DGKB: variants seen among roughly 807,000 people sequenced by gnomAD.
The protein encoded by DGKB is diacylglycerol kinase beta.
A neutral mutation model predicts 114.3 loss-of-function variants in DGKB; 67 were observed. That is an observed-to-expected ratio of 0.59 (90% confidence interval 0.48 to 0.72). The LOEUF (loss-of-function observed/expected upper bound fraction) is 0.72. DGKB is among the 30% of genes least tolerant of loss of function. The pLI, the probability that DGKB is intolerant of heterozygous loss-of-function variation, is 0.00. For missense variants in DGKB, 907 were observed against 975.2 expected (o/e 0.93, Z 0.93); for synonymous variants, 398 against 323.1 (o/e 1.23, Z -2.49).
At chr7:14,965,938 T>G (rs1331953950) in intron 1 of DGKB, among the ~76,000 whole-genome samples, 1 of 152,080 alleles carries the variant, frequency 6.6e-6, no homozygotes, top group African/African-American at 2.4e-5. Flanking sequence ...TCTATACTTC[T>G]GTCAAAAAAA....
At chr7:14,668,698 T>A (rs1344929496) in intron 13 of DGKB, among the ~76,000 whole-genome samples, 1 of 152,188 alleles carries the variant, frequency 6.6e-6, no homozygotes, top group African/African-American at 2.4e-5. Flanking sequence ...TTGACTTCAC[T>A]GTAATTTACA....
intron 21 of DGKB, among the ~76,000 whole-genome samples, chr7:14,412,932 G>C (rs1322438806): frequency 1.3e-5 from 2 of 151,238 alleles, no homozygotes; most frequent in Non-Finnish European, 1.5e-5. Context: ...AGTGAACTGA[G>C]ATCATGCCAT....
chr7:14,308,084 T>C (rs1431008291), intron 23 of DGKB, among the ~76,000 whole-genome samples: 3 of 152,258 alleles, frequency 2.0e-5, no homozygotes, highest in East Asian at 1.9e-4. Context: ...TATCCTGTTT[T>C]AGAGATAATT....
In DGKB at chr7:14,176,870, T is replaced by C; in HGVS notation, c.2273A>G (p.Asp758Gly). The change falls in exon 25 of 26, where the codon GAT becomes GGT. Residue 758 changes from aspartate to glycine, a missense_variant. Physicochemically the swap from Asp to Gly is moderately conservative, Grantham distance 94. Around this residue, in one of 3 missense-constraint regions of DGKB, gnomAD observed 35 missense variants for 66.0 expected, o/e 0.53. Coordinates refer to ENST00000402815, the MANE Select transcript of DGKB (RefSeq NM_001350709.2). ...RTSKSLPMQI[D>G]GEPWMQTPCT... is the part of the protein sequence containing the mutation. ...TGGGGTCTGCATCCATGGCTCCCCA[T>C]CAATTTGCATTGGCAGAGACTTGCT... 1 of 1,613,826 alleles carries C rather than the reference T, an allele frequency of 6.2e-7. No homozygotes were observed. Among genetic ancestry groups the C allele is most frequent in the Non-Finnish European group, 8.5e-7 (1 of 1,179,724 alleles).
intron 21 of DGKB, among the ~76,000 whole-genome samples, chr7:14,436,496 G>A (rs1269387833): frequency 6.6e-6 from 1 of 151,914 alleles, no homozygotes; most frequent in African/African-American, 2.4e-5. Context: ...CTGACCCCCT[G>A]GACATTTATT....
chr7:14,369,833 T>G (rs547145711), intron 21 of DGKB, among the ~76,000 whole-genome samples: 1 of 152,254 alleles, frequency 6.6e-6, no homozygotes, highest in African/African-American at 2.4e-5. Context: ...ATTTGTCAGA[T>G]GGATAGACTG....
intron 5 of DGKB, among the ~76,000 whole-genome samples, chr7:14,724,283 T>C (rs1343974450): frequency 1.3e-5 from 2 of 152,198 alleles, no homozygotes; most frequent in Non-Finnish European, 2.9e-5. Flanking sequence ...GATATTAGTA[T>C]TGTCATATAT....
intron 23 of DGKB, among the ~76,000 whole-genome samples, chr7:14,331,875 T>G (rs545385539): frequency 1.3e-5 from 2 of 152,228 alleles, no homozygotes; most frequent in East Asian, 3.9e-4. Flanking sequence ...GTCACTTGAG[T>G]AGAGATACTC....
chr7:14,682,135 A>T (rs1410692182), intron 12 of DGKB, among the ~76,000 whole-genome samples: 2 of 152,080 alleles, frequency 1.3e-5, no homozygotes, highest in African/African-American at 2.4e-5. Context: ...AAGCCCATAG[A>T]TTTTATGACT....
chr7:14,496,548 C>G (rs1229232224), intron 20 of DGKB, among the ~76,000 whole-genome samples: 1 of 151,520 alleles, frequency 6.6e-6, no homozygotes, highest in Non-Finnish European at 1.5e-5. Flanking sequence ...TTATTGAGCA[C>G]CTATTGTATG....
intron 5 of DGKB, 21 bp downstream of exon 5, chr7:14,736,020 G>A (rs1402384993): frequency 6.7e-7 from 1 of 1,491,058 alleles, no homozygotes; most frequent in Admixed American, 2.1e-5. Context: ...CTATATAAAT[G>A]TTTAAAGTAA....
rs532914304 is a variant in DGKB at position 14,872,092 on chromosome 7, T to C, written c.-188+30500A>G. ...GATTCACTAGATCTAAAAATAAATA[T>C]GAATTTTTCAAAGATGAAGGATCAA... On this transcript the variant is annotated intron_variant, in intron 1 of 25. Transcript: ENST00000402815. Among the ~76,000 whole-genome samples the C allele has an allele frequency of 3.3e-5, 5 of 152,254 alleles. 1 individual carries two copies. In the East Asian group the frequency reaches 7.7e-4, roughly 24 times the overall value.
At chr7:14,395,209 T>C (rs751854482) in intron 21 of DGKB, among the ~76,000 whole-genome samples, 3 of 152,098 alleles carry the variant, frequency 2.0e-5, no homozygotes, top group Non-Finnish European at 4.4e-5. Flanking sequence ...AGCTTGTTCT[T>C]CCAAACATAA....
At chr7:14,581,725 G>A (rs944026527) in intron 18 of DGKB, among the ~76,000 whole-genome samples, 1 of 152,052 alleles carries the variant, frequency 6.6e-6, no homozygotes, top group East Asian at 1.9e-4. Flanking sequence ...GGATAGAGGG[G>A]ATAGATAATG....
intron 13 of DGKB, among the ~76,000 whole-genome samples, chr7:14,658,746 A>G (rs1585416606): frequency 6.6e-6 from 1 of 151,898 alleles, no homozygotes; most frequent in East Asian, 1.9e-4. Context: ...TAATTTTAAT[A>G]AATATGATTT....
chr7:14,738,561 G>A (rs1268327194), intron 4 of DGKB, among the ~76,000 whole-genome samples: 1 of 152,108 alleles, frequency 6.6e-6, no homozygotes, highest in Admixed American at 6.5e-5. Context: ...TATTTTTAAA[G>A]CATCTGAATG....
chr7:14,921,761 C>T (rs1416589243), intron 1 of DGKB, among the ~76,000 whole-genome samples: 1 of 152,108 alleles, frequency 6.6e-6, no homozygotes, highest in Non-Finnish European at 1.5e-5. Context: ...AGACTTAAAC[C>T]AGAGATTACT....
intron 21 of DGKB, among the ~76,000 whole-genome samples, chr7:14,392,533 G>A (rs141442607): frequency 1.2e-4 from 18 of 152,214 alleles, no homozygotes; most frequent in African/African-American, 4.3e-4. Flanking sequence ...GAATATATAT[G>A]ACTATAAATT....
intron 25 of DGKB, among the ~76,000 whole-genome samples, chr7:14,170,145 A>AAAAAAAAAG (rs1369239302): frequency 1.0e-5 from 1 of 100,006 alleles, no homozygotes; most frequent in Non-Finnish European, 2.0e-5. Flanking sequence ...AAAAAAAAAA[A>AAAAAAAAAG]AAAGAAAGAA....
Sources: gnomAD v4.1 joint callset for allele counts (sites outside exome capture counted in the v4.1 genomes callset) on GRCh38, gnomAD v4.1.1 for gene constraint, gnomAD v4.1.1 regional missense constraint, MANE v1.5 for transcripts, NCBI Gene and HGNC (gene_info 2026-07-23, HGNC 2026-07-21) for gene names.